Variants in PKNOX2 observed in about 807,000 individuals in gnomAD.
PKNOX2 encodes PBX/knotted 1 homeobox 2, also known as homeobox protein PKNOX2.
PKNOX2 carries 14 observed loss-of-function variants against 53.1 expected under a neutral mutation model. The observed-to-expected ratio is 0.26, with a 90% confidence interval of 0.17 to 0.41. The LOEUF is 0.41. Among genes scored for constraint, PKNOX2 ranks in the 10% least tolerant of loss-of-function variants. PKNOX2 has a pLI of 1.00. For missense variants in PKNOX2, 496 were observed against 602.8 expected (o/e 0.82, Z 1.85); for synonymous variants, 257 against 242.8 (o/e 1.06, Z -0.54).
Position 125,370,057 on chromosome 11 carries a change from C to T in PKNOX2, c.227+2072C>T, listed in dbSNP as rs1342325026. ...CTCGCAGCTGCTCAGACCCCTGGGTCAGGGGCCTGTAGTGAGCATAGATCA... is the reference window on the plus strand; with the variant it reads ...CTCGCAGCTGCTCAGACCCCTGGGTTAGGGGCCTGTAGTGAGCATAGATCA... On this transcript the variant is annotated intron_variant, in intron 5 of 12. Coordinates refer to ENST00000298282, the MANE Select transcript of PKNOX2 (RefSeq NM_001382323.2). This position sits in a 1 kb window ranked among gnomAD's most constrained non-coding sequence, Gnocchi z 4.1. 6.6e-6 allele frequency among the ~76,000 whole-genome samples: 1 copy of T among 152,128 alleles called. No homozygotes were observed. The highest frequency in any genetic ancestry group is 1.5e-5 in the Non-Finnish European group (1 of 68,024).
chr11:125,249,010 A>T (rs939208921), intron 2 of PKNOX2, among the ~76,000 whole-genome samples: 1 of 145,986 alleles, frequency 6.8e-6, no homozygotes, highest in Admixed American at 7.0e-5. Context: ...ATAATATATT[A>T]TATATAACTT....
At chr11:125,245,016 CAGG>C (rs959877870) in intron 2 of PKNOX2, among the ~76,000 whole-genome samples, 9 of 152,130 alleles carry the variant, frequency 5.9e-5, no homozygotes, top group Non-Finnish European at 1.2e-4. Flanking sequence ...CCTGCAGAGG[CAGG>C]AGAAGTTCAC....
At chr11:125,396,581 A>T (rs76719375) in intron 6 of PKNOX2, among the ~76,000 whole-genome samples, 5,144 of 53,080 alleles carry the variant, frequency 0.097, 238 homozygotes, top group African/African-American at 0.36. Flanking sequence ...AGAAACTTTT[A>T]AAAAAAAAAA....
At chr11:125,167,898 A>G (rs1405980240) in intron 1 of PKNOX2, among the ~76,000 whole-genome samples, 5 of 152,164 alleles carry the variant, frequency 3.3e-5, no homozygotes, top group Admixed American at 3.3e-4. Context: ...TTAATGTCCA[A>G]GTGATTCTGA....
chr11:125,284,903 TG>T (rs929586697), intron 2 of PKNOX2, among the ~76,000 whole-genome samples: 3 of 152,058 alleles, frequency 2.0e-5, no homozygotes, highest in African/African-American at 7.2e-5. Flanking sequence ...CTGGCTTCTA[TG>T]GGGGCACCTC....
chr11:125,390,293 A>G (rs561407405), intron 6 of PKNOX2, among the ~76,000 whole-genome samples: 1 of 152,362 alleles, frequency 6.6e-6, no homozygotes, highest in African/African-American at 2.4e-5. Context: ...AGATGCAGTC[A>G]CCATCATGCA....
intron 2 of PKNOX2, among the ~76,000 whole-genome samples, chr11:125,300,329 G>A (rs1168107047): frequency 6.6e-6 from 1 of 152,182 alleles, no homozygotes; most frequent in Non-Finnish European, 1.5e-5. Flanking sequence ...TGAATACTGT[G>A]CCTGGCACTG....
chr11:125,431,449 C>G lies in PKNOX2; in HGVS notation c.*57C>G. On this transcript the variant is annotated 3_prime_UTR_variant, in exon 13 of 13. Coordinates refer to ENST00000298282, the MANE Select transcript of PKNOX2 (RefSeq NM_001382323.2). ...CAGGAGAGGAGTGTCGCCGGGAGGC[C>G]TTCAGGGTGGGGGGGAAGGGGACAT... The G allele has an allele frequency of 1.9e-6, 2 of 1,053,134 alleles. No homozygotes were observed. Among genetic ancestry groups the G allele is most frequent in the Non-Finnish European group, 2.4e-6 (2 of 823,082 alleles). 65.2% of individuals were successfully genotyped at this position (1,053,134 alleles called of 1,614,324 possible).
intron 7 of PKNOX2, among the ~76,000 whole-genome samples, chr11:125,406,486 T>A (rs1282269544): frequency 6.6e-6 from 1 of 152,096 alleles, no homozygotes; most frequent in Non-Finnish European, 1.5e-5. Flanking sequence ...CTAGGACAGG[T>A]TTTTAAATCC....
chr11:125,368,461 G>A (rs567759268), intron 5 of PKNOX2, among the ~76,000 whole-genome samples: 39 of 152,356 alleles, frequency 2.6e-4, no homozygotes, highest in African/African-American at 8.7e-4. Context: ...CATCCTCAAA[G>A]AGGACAAATC....
chr11:125,329,505 G>C (rs1282858839), intron 2 of PKNOX2, among the ~76,000 whole-genome samples: 1 of 152,218 alleles, frequency 6.6e-6, no homozygotes, highest in African/African-American at 2.4e-5. Flanking sequence ...ATTTAAGATA[G>C]GACTTCTGCC....
chr11:125,293,199 C>G (rs1208182775), intron 2 of PKNOX2, among the ~76,000 whole-genome samples: 1 of 152,096 alleles, frequency 6.6e-6, no homozygotes, highest in Non-Finnish European at 1.5e-5. Flanking sequence ...CACACACACA[C>G]AAATACACAC....
At chr11:125,337,553 A>G (rs987932550) in intron 3 of PKNOX2, among the ~76,000 whole-genome samples, 3 of 152,216 alleles carry the variant, frequency 2.0e-5, no homozygotes, top group African/African-American at 7.2e-5. Flanking sequence ...CCATGGGAAC[A>G]TGTGGTTCTC....
intron 4 of PKNOX2, among the ~76,000 whole-genome samples, chr11:125,360,146 CAAA>C (rs547553077): frequency 1.2e-5 from 1 of 80,642 alleles, no homozygotes. Flanking sequence ...AACTCCATCT[CAAA>C]AAAAAAAAAA....
intron 2 of PKNOX2, among the ~76,000 whole-genome samples, chr11:125,235,485 C>T (rs1431184952): frequency 6.6e-6 from 1 of 152,324 alleles, no homozygotes; most frequent in East Asian, 1.9e-4. Flanking sequence ...CAACATCAGT[C>T]CTCAAACTCG....
intron 10 of PKNOX2, among the ~76,000 whole-genome samples, chr11:125,425,139 T>G (rs2135667233): frequency 6.6e-6 from 1 of 152,288 alleles, no homozygotes; most frequent in Non-Finnish European, 1.5e-5. Flanking sequence ...CTGCACTATC[T>G]CATTAAATCA....
chr11:125,367,811 G>T (rs1265480853), intron 4 of PKNOX2, 35 bp from the exon 5 acceptor site: 5 of 1,598,302 alleles, frequency 3.1e-6, no homozygotes, highest in Non-Finnish European at 4.3e-6. Flanking sequence ...CCCTGGCCAT[G>T]CTAACCCACC....
At chr11:125,411,484 CT>C (rs1955517502) in intron 9 of PKNOX2, 2 of 427,894 alleles carry the variant, frequency 4.7e-6, no homozygotes, top group African/African-American at 2.1e-5. Flanking sequence ...CTCTCTCTCT[CT>C]CTCTCTCTCT....
intron 10 of PKNOX2, among the ~76,000 whole-genome samples, chr11:125,412,698 A>G (rs1203291015): frequency 6.6e-6 from 1 of 152,140 alleles, no homozygotes; most frequent in Non-Finnish European, 1.5e-5. Flanking sequence ...GGCTTCCATT[A>G]GTCTGCGAGC....
Sources: allele counts gnomAD v4.1 joint callset (sites outside exome capture counted in the v4.1 genomes callset), GRCh38; gene constraint gnomAD v4.1.1; non-coding constraint Gnocchi (gnomAD v3.1); transcripts MANE v1.5; gene names NCBI Gene and HGNC (gene_info 2026-07-23, HGNC 2026-07-21).